Variants in TGS1 observed in about 807,000 individuals in gnomAD.
The protein encoded by TGS1 is trimethylguanosine synthase.
In TGS1, 69 loss-of-function variants were observed where a neutral mutation model predicts 92.2. That is an observed-to-expected ratio of 0.75 (90% CI 0.62 to 0.91). TGS1 has a LOEUF of 0.91. Ranked by LOEUF, TGS1 falls within the 40% of genes least tolerant of loss-of-function variation. The pLI, the probability that TGS1 is intolerant of heterozygous loss-of-function variation, is 0.00. For missense variants in TGS1, 1,062 were observed against 1,001.2 expected, an observed-to-expected ratio of 1.06 and a Z score of -0.82; for synonymous variants, 345 against 338.1, an observed-to-expected ratio of 1.02 and a Z score of -0.22.
intron 10 of TGS1, 83 bp from the exon 11 acceptor site, chr8:55,810,798 G>A: frequency 8.8e-7 from 1 of 1,139,876 alleles, no homozygotes; most frequent in South Asian, 1.3e-5. Flanking sequence ...TACAGAAGAT[G>A]ACAGACTATT....
intron 1 of TGS1, among the ~76,000 whole-genome samples, chr8:55,776,717 A>G (rs947486256): frequency 2.0e-5 from 3 of 152,206 alleles, no homozygotes; most frequent in African/African-American, 7.2e-5. Flanking sequence ...GGAGGCAGAA[A>G]TTGGGCATAA....
At chr8:55,822,574 T>TA (rs1018232452) in intron 12 of TGS1, among the ~76,000 whole-genome samples, 16 of 151,598 alleles carry the variant, frequency 1.1e-4, no homozygotes, top group East Asian at 7.7e-4. Flanking sequence ...CCCTTTCTTG[T>TA]AAAAAAACCA....
At chr8:55,798,810 A>G (rs1036341152) in intron 7 of TGS1, 104 bp from the exon 8 acceptor site, 1 of 923,100 alleles carries the variant, frequency 1.1e-6, no homozygotes, top group Non-Finnish European at 1.6e-6. Context: ...CAGAGCCAAT[A>G]ATTTTGACAC....
At chr8:55,776,925 G>A (rs1811417417) in intron 1 of TGS1, among the ~76,000 whole-genome samples, 1 of 152,042 alleles carries the variant, frequency 6.6e-6, no homozygotes, top group African/African-American at 2.4e-5. Flanking sequence ...ATCCTTCTAA[G>A]TCCATTAGTT....
chr8:55,774,791 CAAAT>C (rs919796939), intron 1 of TGS1, among the ~76,000 whole-genome samples: 4 of 152,154 alleles, frequency 2.6e-5, no homozygotes, highest in African/African-American at 7.2e-5. Flanking sequence ...GCTGTGAAAA[CAAAT>C]AACTTTCCAA....
chr8:55,813,727 T>C (rs1159176519), intron 12 of TGS1, among the ~76,000 whole-genome samples: 2 of 152,208 alleles, frequency 1.3e-5, no homozygotes, highest in African/African-American at 4.8e-5. Context: ...CATTGTCTTT[T>C]TTCCTTTCTC....
At chr8:55,821,878 AAAT>A (rs554132249) in intron 12 of TGS1, among the ~76,000 whole-genome samples, 295 of 151,850 alleles carry the variant, frequency 1.9e-3, no homozygotes, top group Middle Eastern at 0.014. Flanking sequence ...CCATCTCAAA[AAAT>A]AATAATAATA....
At chr8:55,779,107 G>C (rs921281322) in intron 1 of TGS1, among the ~76,000 whole-genome samples, 2 of 152,076 alleles carry the variant, frequency 1.3e-5, no homozygotes, top group Non-Finnish European at 2.9e-5. Flanking sequence ...TATTTTTGAG[G>C]CCATCAATTC....
intron 2 of TGS1, among the ~76,000 whole-genome samples, chr8:55,783,877 C>A (rs1362398530): frequency 6.6e-6 from 1 of 152,176 alleles, no homozygotes; most frequent in Non-Finnish European, 1.5e-5. Context: ...CTAGGCTCCT[C>A]GAGCATAAGA....
At chr8:55,818,846 T>C (rs1172887389) in intron 12 of TGS1, among the ~76,000 whole-genome samples, 1 of 152,264 alleles carries the variant, frequency 6.6e-6, no homozygotes, top group East Asian at 1.9e-4. Context: ...GTGCTTTCTG[T>C]AATTTGTTGA....
chr8:55,797,402 T>C (rs548955803), intron 7 of TGS1, among the ~76,000 whole-genome samples: 10 of 152,192 alleles, frequency 6.6e-5, no homozygotes, highest in Non-Finnish European at 1.3e-4. Flanking sequence ...GGAACTATGA[T>C]TCAAGATAAG....
intron 1 of TGS1, among the ~76,000 whole-genome samples, 170 bp from the exon 2 acceptor site, chr8:55,782,578 A>G (rs553508639): frequency 1.3e-5 from 2 of 152,348 alleles, no homozygotes; most frequent in East Asian, 1.9e-4. Flanking sequence ...CAACAACTCC[A>G]TGACAAATGT....
chr8:55,798,206 C>T lies in TGS1; in HGVS notation c.1543-708C>T, dbSNP rs536282985. On this transcript the variant is annotated intron_variant, in intron 7 of 12. Coordinates refer to ENST00000260129, the MANE Select transcript of TGS1 (RefSeq NM_024831.8). The stretch of plus-strand genomic sequence containing the variant: ...TTTAGAGGAAGATTCTGGGTTGTTG[C>T]CCATCATGTCTACCACTTCATTCTA... Among the ~76,000 whole-genome samples, 3 of 152,250 alleles carry T rather than the reference C, an allele frequency of 2.0e-5. No homozygotes were observed. The South Asian group carries it at 6.2e-4, about 32-fold the overall frequency.
chr8:55,805,132 A>G (rs976005241), intron 10 of TGS1, 96 bp downstream of exon 10: 7 of 815,868 alleles, frequency 8.6e-6, no homozygotes, highest in Non-Finnish European at 1.2e-5. Context: ...GATTTAATAT[A>G]TAATTAATAA....
intron 5 of TGS1, 86 bp downstream of exon 5, chr8:55,790,385 G>T: frequency 1.2e-6 from 1 of 832,756 alleles, no homozygotes; most frequent in South Asian, 1.5e-5. Context: ...TGATTGTTAT[G>T]TTCACAACAC....
chr8:55,812,880 A>G (rs1029671253), intron 11 of TGS1, among the ~76,000 whole-genome samples, 160 bp from the exon 12 acceptor site: 1 of 152,146 alleles, frequency 6.6e-6, no homozygotes, highest in African/African-American at 2.4e-5. Context: ...TGAATTACAA[A>G]ATTTTGTATG....
chr8:55,802,623 T>C lies in TGS1; in HGVS notation c.1999+17T>C. The C allele has an allele frequency of 6.3e-7, 1 of 1,577,766 alleles. No homozygotes were observed. The highest frequency in any genetic ancestry group is 1.2e-5 in the South Asian group (1 of 84,876). ...TGGACAGAGGTAAAGTATATATGTATTTTTTAGCTTTATTTTGAAACCACT... is the reference window on the plus strand; with the variant it reads ...TGGACAGAGGTAAAGTATATATGTACTTTTTAGCTTTATTTTGAAACCACT... On this transcript the variant is annotated intron_variant, in intron 9 of 12. Coordinates refer to ENST00000260129, the MANE Select transcript of TGS1 (RefSeq NM_024831.8).
chr8:55,796,348 A>G (rs1429520226), intron 7 of TGS1, among the ~76,000 whole-genome samples, 196 bp downstream of exon 7: 1 of 152,086 alleles, frequency 6.6e-6, no homozygotes, highest in Non-Finnish European at 1.5e-5. Flanking sequence ...AGGTAGGGTG[A>G]AAAGGAAGTG....
chr8:55,781,669 C>G (rs976442726), intron 1 of TGS1, among the ~76,000 whole-genome samples: 2 of 152,196 alleles, frequency 1.3e-5, no homozygotes, highest in Non-Finnish European at 2.9e-5. Context: ...ACGTCACCCC[C>G]TTGCCTGTTC....
Sources: gnomAD v4.1 joint callset for allele counts (sites outside exome capture counted in the v4.1 genomes callset) on GRCh38, gnomAD v4.1.1 for gene constraint, MANE v1.5 for transcripts, NCBI Gene and HGNC (gene_info 2026-07-23, HGNC 2026-07-21) for gene names.